The following FLNC variants were observed in gnomAD, a reference collection of about 807,000 sequenced individuals.
FLNC encodes filamin C, also known as filamin-C.
In FLNC, 91 loss-of-function variants were observed where a neutral mutation model predicts 254.3. The ratio of observed to expected loss-of-function variants is 0.36; its 90% CI spans 0.30 to 0.43. The LOEUF (loss-of-function observed/expected upper bound fraction) is 0.43. Among genes scored for constraint, FLNC ranks in the 20% least tolerant of loss-of-function variants. FLNC has a pLI of 1.00. For synonymous variants in FLNC, 1,430 were observed against 1,577.2 expected, an observed-to-expected ratio of 0.91 and a Z score of 2.21; for missense variants, 2,853 against 3,802.6, an observed-to-expected ratio of 0.75 and a Z score of 6.57.
chr7:128,843,047 T>C (rs1056562217), intron 16 of FLNC, 93 bp downstream of exon 16: 7 of 1,506,266 alleles, frequency 4.6e-6, no homozygotes, highest in Non-Finnish European at 6.4e-6. Context: ...GAGGGATGAT[T>C]CCGCAGACAT....
chr7:128,844,685 G>A lies in FLNC; in HGVS notation c.3220G>A (p.Gly1074Ser). The change falls in exon 21 of 48, where the codon GGT (glycine) becomes AGT (serine). Residue 1074 changes from glycine to serine, a missense_variant. Physicochemically the swap from Gly to Ser is moderately conservative, Grantham distance 56. Transcript: ENST00000325888. ...CTGTGCTTATGGCCCGGGTCTCAAG[G>A]GTGGACTGGTAGGCACCCCCGCGCC... is the stretch of plus-strand genomic sequence containing the variant. ...KVCAYGPGLKGGLVGTPAPFS... is the reference protein window; with the variant it reads ...KVCAYGPGLKSGLVGTPAPFS... 6.2e-7 allele frequency: 1 copy of A among 1,613,152 alleles called. No individual in the cohort carries two copies. Among genetic ancestry groups the A allele is most frequent in the Non-Finnish European group, 8.5e-7 (1 of 1,180,006 alleles).
chr7:128,850,685 GTC>G (rs1432197448), intron 32 of FLNC, 116 bp from the exon 33 acceptor site: 1 of 1,493,090 alleles, frequency 6.7e-7, no homozygotes, highest in Non-Finnish European at 9.2e-7. Context: ...GCCACAGGCT[GTC>G]TCTTGATGCC....
Position 128,854,765 on chromosome 7 carries a change from C to A in FLNC, c.6998-10C>A. On this transcript the variant is annotated splice_polypyrimidine_tract_variant and intron_variant, in intron 41 of 47. Transcript: ENST00000325888. ...ATGATGCTGAAGTCCACTACCTTGC[C>A]TGTCCCCAGCCGAGTTCAGCATCTG... 1 of 1,614,084 alleles carries A rather than the reference C, an allele frequency of 6.2e-7. No homozygotes were observed. The highest frequency in any genetic ancestry group is 8.5e-7 in the Non-Finnish European group (1 of 1,180,032).
intron 40 of FLNC, 88 bp from the exon 41 acceptor site, chr7:128,854,325 C>G (rs981553711): frequency 7.5e-6 from 12 of 1,598,856 alleles, no homozygotes; most frequent in Non-Finnish European, 1.0e-5. Context: ...CAGGTCTGAG[C>G]AGAGGAGGAG....
Position 128,842,398 on chromosome 7 carries a change from T to A in FLNC, c.2265+24T>A. ...GGGTGCGTCCTCCCGGCCTGCCCCG[T>A]GCCCACCACCAGGGGTCCCTGAGGG... is the stretch of plus-strand genomic sequence containing the variant. On this transcript the variant is annotated intron_variant, in intron 14 of 47. Coordinates refer to ENST00000325888, the MANE Select transcript of FLNC (RefSeq NM_001458.5). This position sits in a 1 kb window ranked among gnomAD's most constrained non-coding sequence, Gnocchi z 5.4. 2 of 1,613,184 alleles carry A rather than the reference T, an allele frequency of 1.2e-6. No individual in the cohort carries two copies. Among genetic ancestry groups the A allele is most frequent in the Non-Finnish European group, 1.7e-6 (2 of 1,179,932 alleles).
At position 128,840,615 on chromosome 7, in the gene FLNC, G is replaced by C. The variant is rs369222964; in HGVS notation, c.1617G>C (p.Pro539=). ...GTGTGTTCGAGTGCGAGTACTACCCGGTGGTGCCTGGGAAGTATGTGGTGA... is the reference window on the plus strand; with the variant it reads ...GTGTGTTCGAGTGCGAGTACTACCCCGTGGTGCCTGGGAAGTATGTGGTGA... ...GDGVFECEYY[P]VVPGKYVVTI... Residue 539 remains proline, a synonymous_variant, in exon 10 of 48, where the codon CCG becomes CCC. Coordinates refer to ENST00000325888, the MANE Select transcript of FLNC (RefSeq NM_001458.5). 1 of 1,614,188 alleles carries C rather than the reference G, an allele frequency of 6.2e-7. No individual in the cohort carries two copies. Among genetic ancestry groups the C allele is most frequent in the Non-Finnish European group, 8.5e-7 (1 of 1,180,016 alleles).
At chr7:128,832,056 C>A (rs931950977) in intron 1 of FLNC, among the ~76,000 whole-genome samples, 1 of 152,160 alleles carries the variant, frequency 6.6e-6, no homozygotes, top group Non-Finnish European at 1.5e-5. Flanking sequence ...GGGCCCCACA[C>A]AGGATGTTCC....
Position 128,854,427 on chromosome 7 carries a change from C to G in FLNC, c.6742C>G (p.Gln2248Glu). 6.2e-7 allele frequency: 1 copy of G among 1,610,566 alleles called. No homozygotes were observed. The highest frequency in any genetic ancestry group is 8.5e-7 in the Non-Finnish European group (1 of 1,178,856). Residue 2248 changes from glutamine (Q) to glutamate (E), a missense_variant, in exon 41 of 48, where the codon CAG (glutamine) becomes GAG (glutamate). Coordinates refer to ENST00000325888, the MANE Select transcript of FLNC (RefSeq NM_001458.5). Reference sequence around the variant, plus strand: ...AAACCCTGCAGGTGAGGCCAGCTCTCAGGACATGACTGCACAGGTGACCAG... The same window carrying G: ...AAACCCTGCAGGTGAGGCCAGCTCTGAGGACATGACTGCACAGGTGACCAG... ...TRQQEGEASS[Q>E]DMTAQVTSPS...
At chr7:128,832,667 G>A (rs1807940330) in intron 1 of FLNC, among the ~76,000 whole-genome samples, 1 of 152,240 alleles carries the variant, frequency 6.6e-6, no homozygotes, top group African/African-American at 2.4e-5. Flanking sequence ...AGAAGCAAAA[G>A]CTGGTTTGAG....
In FLNC at chr7:128,840,845, T is replaced by C. The variant is rs774963796; in HGVS notation, c.1688T>C (p.Val563Ala). 6.2e-7 allele frequency: 1 copy of C among 1,613,690 alleles called. No individual in the cohort carries two copies. The highest frequency in any genetic ancestry group is 8.5e-7 in the Non-Finnish European group (1 of 1,179,870). Reference sequence around the variant, plus strand: ...CCCTCTCTGCCCAGCCCCTTTGAGGTACAGGTGAGCCCAGAGGCAGGAGTG... The same window carrying C: ...CCCTCTCTGCCCAGCCCCTTTGAGGCACAGGTGAGCCCAGAGGCAGGAGTG... ...GYAIPRSPFE[V>A]QVSPEAGVQK... Residue 563 changes from valine (V) to alanine (A), a missense_variant, in exon 11 of 48, where the codon GTA (valine) becomes GCA (alanine). Coordinates refer to ENST00000325888, the MANE Select transcript of FLNC (RefSeq NM_001458.5).
In FLNC at chr7:128,846,209, G is replaced by A. The variant is rs766313813; in HGVS notation, c.3964+46G>A. The A allele has an allele frequency of 2.5e-6, 4 of 1,612,920 alleles. No homozygotes were observed. In the South Asian group the frequency reaches 3.3e-5, roughly 13 times the overall value. ...CTAGTGGGCAGGGCTGGGCAAGTGG[G>A]CAGGGCCGGGATCTGATGATATTGC... On this transcript the variant is annotated intron_variant, in intron 22 of 47. Transcript: ENST00000325888.
At chr7:128,837,912 G>T in intron 5 of FLNC, 75 bp from the exon 6 acceptor site, 1 of 1,430,828 alleles carries the variant, frequency 7.0e-7, no homozygotes. Flanking sequence ...GTGGGGCTGG[G>T]GTGCATAAGG....
At chr7:128,843,976 C>T in intron 19 of FLNC, 28 bp from the exon 20 acceptor site, 1 of 1,614,138 alleles carries the variant, frequency 6.2e-7, no homozygotes, top group African/African-American at 1.3e-5. Context: ...CCGGAGTCTC[C>T]TCATGGTGTC....
intron 1 of FLNC, among the ~76,000 whole-genome samples, chr7:128,831,834 T>C (rs1807906106): frequency 6.6e-6 from 1 of 151,618 alleles, no homozygotes; most frequent in African/African-American, 2.4e-5. Context: ...ACTCTAGTCT[T>C]GGGAGCAGAG....
At chr7:128,851,194 T>C (rs761612886) in intron 33 of FLNC, 38 bp from the exon 34 acceptor site, 2 of 1,613,528 alleles carry the variant, frequency 1.2e-6, no homozygotes, top group Non-Finnish European at 1.7e-6. Context: ...AGATAATCCC[T>C]GATGCTGACC....
rs759816924 is a variant in FLNC at position 128,848,795 on chromosome 7, C to A, written c.4740C>A (p.Asp1580Glu). The change falls in exon 28 of 48, where the codon GAC becomes GAA. Residue 1580 changes from aspartate (D) to glutamate (E), a missense_variant and splice_region_variant. Around this residue, in one of 10 missense-constraint regions of FLNC, gnomAD observed 1,573 missense variants for 1,883.5 expected, o/e 0.84. Transcript: ENST00000325888. ...GEGLLTVQIL[D>E]PEGKPKKANI... is the part of the protein sequence containing the mutation. The stretch of plus-strand genomic sequence containing the variant: ...CTTGACCTCTGCTTCTCCCTCAGGA[C>A]CCCGAGGGTAAGCCCAAGAAGGCCA... 3 of 1,614,034 alleles carry A rather than the reference C, an allele frequency of 1.9e-6. No individual in the cohort carries two copies. Among genetic ancestry groups the A allele is most frequent in the Non-Finnish European group, 2.5e-6 (3 of 1,180,030 alleles).
Position 128,842,120 on chromosome 7 carries a change from C to CG in FLNC, c.2122-108dup, listed in dbSNP as rs1220717164. 2 of 1,119,632 alleles carry CG rather than the reference C, an allele frequency of 1.8e-6. No homozygotes were observed. The highest frequency in any genetic ancestry group is 3.2e-5 in the African/African-American group (2 of 62,278). The allele number at this position is 1,119,632 out of a possible 1,614,324, so 69.4% of individuals were successfully genotyped here. On this transcript the variant is annotated intron_variant, in intron 13 of 47. Coordinates refer to ENST00000325888, the MANE Select transcript of FLNC (RefSeq NM_001458.5). The surrounding 1 kb of genome is among the most constrained non-coding windows in gnomAD (Gnocchi z 5.4). ...GTGGCCTCAGTGGCTGGTGTGGGGG[C>CG]GGGAGTGCCAGTGTTGGGGGTGGGA... is the stretch of plus-strand genomic sequence containing the variant.
At position 128,843,809 on chromosome 7, in the gene FLNC, T is replaced by C. The variant is rs1808440244; in HGVS notation, c.2825T>C (p.Val942Ala). ...TGTACCCAACAGGGCAACATGGCAG[T>C]GACAGTGACTTATGGCGGGGACCCT... ...YTAVQQGNMAVTVTYGGDPVP... is the reference protein window; with the variant it reads ...YTAVQQGNMAATVTYGGDPVP... The change falls in exon 19 of 48, where the codon GTG (valine) becomes GCG (alanine). Residue 942 changes from valine to alanine, a missense_variant. Coordinates refer to ENST00000325888, the MANE Select transcript of FLNC (RefSeq NM_001458.5). 1.2e-6 allele frequency: 2 copies of C among 1,614,106 alleles called. No homozygotes were observed. The highest frequency in any genetic ancestry group is 1.7e-6 in the Non-Finnish European group (2 of 1,179,988).
intron 37 of FLNC, 155 bp from the exon 38 acceptor site, chr7:128,853,314 G>A (rs552032521): frequency 1.5e-5 from 14 of 922,064 alleles, no homozygotes; most frequent in Admixed American, 4.2e-5. Context: ...CGCCTGTCCC[G>A]TGGTGCCCCC....
Sources: gnomAD v4.1 joint callset for allele counts (sites outside exome capture counted in the v4.1 genomes callset) on GRCh38, gnomAD v4.1.1 for gene constraint, gnomAD v4.1.1 regional missense constraint, Gnocchi (gnomAD v3.1) non-coding constraint, MANE v1.5 for transcripts, NCBI Gene and HGNC (gene_info 2026-07-23, HGNC 2026-07-21) for gene names.